Variants in RBFOX3 observed in about 807,000 individuals in gnomAD.
RBFOX3 encodes the protein RNA binding fox-1 homolog 3.
RBFOX3 carries 17 observed loss-of-function variants against 48.7 expected under a neutral mutation model. The ratio of observed to expected loss-of-function variants is 0.35; its 90% CI spans 0.24 to 0.52. RBFOX3 has a LOEUF of 0.52. Ranked by LOEUF, RBFOX3 falls within the 20% of genes least tolerant of loss-of-function variation. The probability of loss-of-function intolerance (pLI) is 0.94; values close to 1 mark genes in which losing one functional copy is unlikely to be tolerated. For missense variants in RBFOX3, 382 were observed against 497.5 expected (o/e 0.77, Z 2.21); for synonymous variants, 212 against 209.5 (o/e 1.01, Z -0.10).
At chr17:79,356,371 T>TGTTTTTTTTTTTG (rs1476311994) in intron 2 of RBFOX3, among the ~76,000 whole-genome samples, 2 of 116,208 alleles carry the variant, frequency 1.7e-5, no homozygotes, top group Non-Finnish European at 3.5e-5. Flanking sequence ...TTTTTTTTTT[T>TGTTTTTTTTTTTG]TTTTTTTTTT....
chr17:79,630,279 C>T, the RBFOX3 span, among the ~76,000 whole-genome samples: 2 of 152,314 alleles, frequency 1.3e-5, no homozygotes, highest in Non-Finnish European at 2.9e-5. Flanking sequence ...GAAACACGGT[C>T]GGCCAAGCAT....
the RBFOX3 span, among the ~76,000 whole-genome samples, chr17:79,656,779 A>AG: frequency 1.1e-4 from 3 of 26,436 alleles, no homozygotes; most frequent in Admixed American, 8.6e-4. Flanking sequence ...GGAAGGAAGG[A>AG]AAGAAAGAAA....
At chr17:79,616,033 T>G (rs2093992536), upstream of RBFOX3, among the ~76,000 whole-genome samples, 1 of 152,160 alleles carries the variant, frequency 6.6e-6, no homozygotes, top group South Asian at 2.1e-4. Flanking sequence ...GAGGTGAAGA[T>G]GCAACTGTAG....
chr17:79,097,113 G>A (rs576115413), intron 11 of RBFOX3, among the ~76,000 whole-genome samples, 179 bp downstream of exon 11: 133 of 152,206 alleles, frequency 8.7e-4, no homozygotes, highest in Middle Eastern at 3.4e-3. Context: ...GCCGTGGTGG[G>A]GATAGGGGTG....
intron 3 of RBFOX3, among the ~76,000 whole-genome samples, chr17:79,280,176 A>T (rs2069997072): frequency 6.6e-6 from 1 of 150,594 alleles, no homozygotes; most frequent in Non-Finnish European, 1.5e-5. Flanking sequence ...CACACCACTC[A>T]CACACACATG....
rs1247315492 is a variant in RBFOX3 at position 79,480,643 on chromosome 17, G to A, written c.-175+1811C>T. ...TGCTACTTCTCCAGCATGCCCACAC[G>A]TTGCTGCCTCGGCGCCTTGGCACTG... On this transcript the variant is annotated intron_variant, in intron 2 of 14. Transcript: ENST00000693108. This position sits in a 1 kb window ranked among gnomAD's most constrained non-coding sequence, Gnocchi z 4.8. Among the ~76,000 whole-genome samples, 6 of 152,080 alleles carry A rather than the reference G, an allele frequency of 3.9e-5. No individual in the cohort carries two copies. The highest frequency in any genetic ancestry group is 1.2e-4 in the African/African-American group (5 of 41,388).
intron 3 of RBFOX3, among the ~76,000 whole-genome samples, chr17:79,283,706 C>T (rs1355533980): frequency 1.3e-5 from 2 of 152,238 alleles, no homozygotes; most frequent in East Asian, 3.9e-4. Context: ...TGGCAACACT[C>T]CTCCCGATGT....
chr17:79,357,252 C>T (rs72849665), intron 2 of RBFOX3, among the ~76,000 whole-genome samples: 21,785 of 152,252 alleles, frequency 0.14, 1,641 homozygotes, highest in East Asian at 0.21. Flanking sequence ...GCAGAAAGAG[C>T]GCCACTTGTA....
At chr17:79,160,957 G>T (rs1015906716) in intron 4 of RBFOX3, among the ~76,000 whole-genome samples, 1 of 146,908 alleles carries the variant, frequency 6.8e-6, no homozygotes, top group Admixed American at 6.9e-5. Flanking sequence ...TCCAGTCTCG[G>T]CAACAAGAGC....
intron 1 of RBFOX3, among the ~76,000 whole-genome samples, chr17:79,509,231 G>A (rs782488705): frequency 0.24 from 36,825 of 152,136 alleles, 4,834 homozygotes; most frequent in Non-Finnish European, 0.3. Context: ...GGGTCCCCAA[G>A]GCGGCCTGGT....
intron 5 of RBFOX3, among the ~76,000 whole-genome samples, chr17:79,113,321 C>T (rs757693054): frequency 2.0e-5 from 3 of 152,146 alleles, no homozygotes; most frequent in African/African-American, 4.8e-5. Flanking sequence ...GGTTGGGGAG[C>T]GCATGGCCTC....
chr17:79,621,246 G>C, the RBFOX3 span, among the ~76,000 whole-genome samples: 3 of 152,188 alleles, frequency 2.0e-5, no homozygotes, highest in African/African-American at 7.2e-5. Context: ...TGATCCGCCC[G>C]CCTCGGCCTC....
chr17:79,191,446 C>T (rs933902775), intron 4 of RBFOX3, among the ~76,000 whole-genome samples: 1 of 152,240 alleles, frequency 6.6e-6, no homozygotes, highest in Admixed American at 6.5e-5. Context: ...CTCTGTTCGT[C>T]CCCTGCCCCT....
intron 1 of RBFOX3, among the ~76,000 whole-genome samples, chr17:79,596,473 G>A (rs1479484356): frequency 2.0e-5 from 3 of 152,200 alleles, no homozygotes; most frequent in South Asian, 4.2e-4. Flanking sequence ...CTTCTCAGTG[G>A]AGCCTCTAGA....
At position 79,299,850 on chromosome 17, in the gene RBFOX3, C is replaced by T. The variant is rs2075027395; in HGVS notation, c.-74+7874G>A. Among the ~76,000 whole-genome samples the T allele has an allele frequency of 6.6e-6, 1 of 152,052 alleles. No individual in the cohort carries two copies. On this transcript the variant is annotated intron_variant, in intron 3 of 14. Transcript: ENST00000693108. This position sits in a 1 kb window ranked among gnomAD's most constrained non-coding sequence, Gnocchi z 4.5. ...AGCCACATCCCTGCCTCCAGCATCTCTGTTTAGCCAGCTTCTCAGTACCCC... is the reference window on the plus strand; with the variant it reads ...AGCCACATCCCTGCCTCCAGCATCTTTGTTTAGCCAGCTTCTCAGTACCCC...
intron 1 of RBFOX3, among the ~76,000 whole-genome samples, chr17:79,495,867 C>T (rs1266268040): frequency 6.6e-6 from 1 of 151,670 alleles, no homozygotes; most frequent in East Asian, 1.9e-4. Context: ...AAGGCAGAGG[C>T]CCCTGTGGGC....
intron 4 of RBFOX3, among the ~76,000 whole-genome samples, chr17:79,176,209 C>T (rs185010359): frequency 3.5e-3 from 529 of 152,312 alleles, no homozygotes; most frequent in Middle Eastern, 0.01. Flanking sequence ...GACCCCAGGG[C>T]GAGGGCATGG....
intron 1 of RBFOX3, among the ~76,000 whole-genome samples, chr17:79,496,899 T>A (rs1400973738): frequency 9.2e-5 from 14 of 152,150 alleles, no homozygotes; most frequent in Non-Finnish European, 1.5e-4. Flanking sequence ...GGCATGGAAA[T>A]CTTCCTGAGT....
chr17:79,516,899 C>A (rs2085320214), intron 1 of RBFOX3, among the ~76,000 whole-genome samples: 1 of 152,050 alleles, frequency 6.6e-6, no homozygotes, highest in South Asian at 2.1e-4. Context: ...GGATGTCGTA[C>A]AATCCACAGT....
Sources: gnomAD v4.1 joint callset for allele counts (sites outside exome capture counted in the v4.1 genomes callset) on GRCh38, gnomAD v4.1.1 for gene constraint, Gnocchi (gnomAD v3.1) non-coding constraint, MANE v1.5 for transcripts, NCBI Gene and HGNC (gene_info 2026-07-23, HGNC 2026-07-21) for gene names.